CLYBL: variants seen among roughly 807,000 people sequenced by gnomAD.
CLYBL encodes citramalyl-CoA lyase, mitochondrial.
A neutral mutation model predicts 38.9 loss-of-function variants in CLYBL; 31 were observed. The observed-to-expected ratio is 0.80, with a 90% confidence interval of 0.60 to 1.08. The LOEUF is 1.08. Among genes scored for constraint, CLYBL ranks in the 50% least tolerant of loss-of-function variants. CLYBL has a pLI of 0.00. For synonymous variants in CLYBL, 171 were observed against 158.6 expected (o/e 1.08, Z -0.59); for missense variants, 434 against 411.6 (o/e 1.05, Z -0.47).
At chr13:99,791,359 T>TA (rs1566328641) in intron 2 of CLYBL, among the ~76,000 whole-genome samples, 8 of 87,570 alleles carry the variant, frequency 9.1e-5, no homozygotes, top group East Asian at 3.1e-4. Context: ...AGTGTCTTTT[T>TA]TAAAAAAAAA....
intron 1 of CLYBL, among the ~76,000 whole-genome samples, chr13:99,613,562 G>A (rs2046662015): frequency 6.6e-6 from 1 of 151,128 alleles, no homozygotes; most frequent in Non-Finnish European, 1.5e-5. Context: ...AGGGAAAAAG[G>A]GAGGGAAGGG....
chr13:99,819,446 ATATATATATAT>A (rs2050536918), intron 2 of CLYBL, among the ~76,000 whole-genome samples: 7 of 85,350 alleles, frequency 8.2e-5, no homozygotes, highest in African/African-American at 2.6e-4. Context: ...ATATATATAT[ATATATATATAT>A]ATATATATAT....
intron 2 of CLYBL, among the ~76,000 whole-genome samples, chr13:99,824,258 C>A (rs980116807): frequency 1.2e-4 from 4 of 32,188 alleles, no homozygotes; most frequent in Admixed American, 3.0e-4. Context: ...TGACTAATAG[C>A]CCCCCCCACC....
At chr13:99,613,587 CA>C (rs11295981) in intron 1 of CLYBL, among the ~76,000 whole-genome samples, 8,636 of 151,924 alleles carry the variant, frequency 0.057, 862 homozygotes, top group African/African-American at 0.2. Flanking sequence ...AAAGGGAGGA[CA>C]GAGGTGGGAG....
At chr13:99,840,694 G>A (rs1466046730) in intron 2 of CLYBL, among the ~76,000 whole-genome samples, 2 of 137,396 alleles carry the variant, frequency 1.5e-5, no homozygotes, top group African/African-American at 5.4e-5. Context: ...AGGCTGCAGT[G>A]AGCTGTGATC....
chr13:99,892,805 C>A (rs1234581738), downstream of CLYBL: 1 of 152,232 alleles, frequency 6.6e-6, no homozygotes, highest in Non-Finnish European at 1.5e-5. Flanking sequence ...TGAGCCCCAA[C>A]CAGGCCTCCC....
chr13:99,746,355 A>ATTT lies in CLYBL; in HGVS notation c.63-26452_63-26450dup, dbSNP rs34410635. On this transcript the variant is annotated intron_variant, in intron 1 of 8. Transcript: ENST00000339105. Reference sequence around the variant, plus strand: ...AATAGTCATTTCAGCTTTAAATACTATTTTTTTTTTTTTTTTTTTACATAG... The same window carrying ATTT: ...AATAGTCATTTCAGCTTTAAATACTATTTTTTTTTTTTTTTTTTTTTTACATAG... 4.2e-3 allele frequency among the ~76,000 whole-genome samples: 614 copies of ATTT among 144,518 alleles called. 2 individuals carry two copies. Among genetic ancestry groups the ATTT allele is most frequent in the Middle Eastern group, 0.014 (4 of 284 alleles). 94.8% of individuals were successfully genotyped at this position (144,518 alleles called of 152,430 possible).
At chr13:99,611,153 G>A (rs1055533465) in intron 1 of CLYBL, among the ~76,000 whole-genome samples, 1 of 152,144 alleles carries the variant, frequency 6.6e-6, no homozygotes, top group Admixed American at 6.5e-5. Context: ...AAACCCCCAC[G>A]ACAATTGCTG....
chr13:99,770,134 G>A (rs529197223), intron 1 of CLYBL, among the ~76,000 whole-genome samples: 8 of 142,764 alleles, frequency 5.6e-5, no homozygotes, highest in African/African-American at 1.8e-4. Flanking sequence ...AGGCAGGAGT[G>A]CAGTGGCGCG....
chr13:99,780,936 A>G (rs567819683), intron 2 of CLYBL, among the ~76,000 whole-genome samples: 14 of 137,280 alleles, frequency 1.0e-4, no homozygotes, highest in African/African-American at 3.8e-4. Context: ...CTGGTCTCGA[A>G]CTCCTGACCT....
At chr13:99,723,370 T>C (rs774769087) in intron 1 of CLYBL, among the ~76,000 whole-genome samples, 4 of 152,240 alleles carry the variant, frequency 2.6e-5, no homozygotes, top group Non-Finnish European at 5.9e-5. Context: ...TGCCATCACA[T>C]ACCAATGACT....
chr13:99,837,645 C>T (rs777563506), intron 2 of CLYBL, among the ~76,000 whole-genome samples: 1 of 152,180 alleles, frequency 6.6e-6, no homozygotes, highest in Non-Finnish European at 1.5e-5. Flanking sequence ...ATTCATGGCA[C>T]GTGCTCAAGG....
chr13:99,851,713 G>A (rs553146760), intron 2 of CLYBL, among the ~76,000 whole-genome samples: 2 of 152,292 alleles, frequency 1.3e-5, no homozygotes, highest in South Asian at 4.1e-4. Flanking sequence ...GGAGCAGTTG[G>A]AAAGGAACCC....
rs34063235 is a variant in CLYBL, at chr13:99,880,068, A to ATATATATTT, written c.927+9007_927+9008insATATATTTT. On this transcript the variant is annotated intron_variant, in intron 7 of 8. Coordinates refer to ENST00000339105, the MANE Select transcript of CLYBL (RefSeq NM_206808.5). ...TGTGTATGTATATATATATATATAT[A>ATATATATTT]TTTTTTTTTTTTTTTTTGAGACAGA... 1.7e-3 allele frequency among the ~76,000 whole-genome samples: 167 copies of ATATATATTT among 101,174 alleles called. 1 individual carries two copies. Among genetic ancestry groups the ATATATATTT allele is most frequent in the African/African-American group, 2.9e-3 (72 of 24,668 alleles). 66.4% of individuals were successfully genotyped at this position (101,174 alleles called of 152,430 possible). A position where few individuals can be genotyped will look rare whatever the true frequency, so the allele number is the denominator to read the frequency against.
chr13:99,871,482 G>C (rs1016592257), intron 7 of CLYBL, among the ~76,000 whole-genome samples: 1 of 152,054 alleles, frequency 6.6e-6, no homozygotes, highest in South Asian at 2.1e-4. Flanking sequence ...TAATTTGGGG[G>C]GAAAAAAGTA....
At chr13:99,615,466 T>C (rs1016714721) in intron 1 of CLYBL, among the ~76,000 whole-genome samples, 1 of 152,214 alleles carries the variant, frequency 6.6e-6, no homozygotes, top group Non-Finnish European at 1.5e-5. Context: ...AAAAACAACA[T>C]TTTTTTCTAC....
At chr13:99,826,322 C>T (rs1364275906) in intron 2 of CLYBL, among the ~76,000 whole-genome samples, 1 of 152,178 alleles carries the variant, frequency 6.6e-6, no homozygotes, top group Non-Finnish European at 1.5e-5. Context: ...TGCCTCAGAA[C>T]CATGACATCA....
chr13:99,623,791 C>G (rs998383437), intron 1 of CLYBL, among the ~76,000 whole-genome samples: 1 of 151,872 alleles, frequency 6.6e-6, no homozygotes, highest in African/African-American at 2.4e-5. Context: ...AACCCCATCT[C>G]TACTAAAAAT....
In CLYBL at chr13:99,750,252, G is replaced by T. The variant is rs192693261; in HGVS notation, c.63-22572G>T. ...AGCGCTAAGTAGAGGAATCCATTAC[G>T]AATCTGTCATACTGCTGTGGATATG... On this transcript the variant is annotated intron_variant, in intron 1 of 8. Transcript: ENST00000339105. 2.6e-3 allele frequency among the ~76,000 whole-genome samples: 400 copies of T among 152,256 alleles called. 3 individuals carry two copies. The highest frequency in any genetic ancestry group is 0.026 in the South Asian group (124 of 4,816).
Sources: gnomAD v4.1 joint callset for allele counts (sites outside exome capture counted in the v4.1 genomes callset) on GRCh38, gnomAD v4.1.1 for gene constraint, MANE v1.5 for transcripts, NCBI Gene and HGNC (gene_info 2026-07-23, HGNC 2026-07-21) for gene names.